The following CTNNA3 variants were observed in gnomAD, a reference collection of about 807,000 sequenced individuals.
The protein encoded by CTNNA3 is catenin alpha-3.
CTNNA3 carries 76 observed loss-of-function variants against 95.7 expected under a neutral mutation model. The ratio of observed to expected loss-of-function variants is 0.79; its 90% CI spans 0.66 to 0.96. CTNNA3 has a LOEUF of 0.96. Ranked by LOEUF, CTNNA3 falls within the 40% of genes least tolerant of loss-of-function variation. CTNNA3 has a pLI of 0.00. For synonymous variants in CTNNA3, 431 were observed against 374.4 expected, an observed-to-expected ratio of 1.15 and a Z score of -1.74; for missense variants, 1,191 against 1,089.8, an observed-to-expected ratio of 1.09 and a Z score of -1.31.
At chr10:67,140,081 T>C (rs984970976) in intron 7 of CTNNA3, among the ~76,000 whole-genome samples, 2 of 152,164 alleles carry the variant, frequency 1.3e-5, no homozygotes, top group African/African-American at 2.4e-5. Context: ...TGCAGTAGGA[T>C]TGATGGGATG....
At chr10:66,217,447 G>T (rs1254390383) in intron 13 of CTNNA3, among the ~76,000 whole-genome samples, 3 of 150,586 alleles carry the variant, frequency 2.0e-5, no homozygotes, top group Non-Finnish European at 4.4e-5. Context: ...CATCCAAATT[G>T]TTGCATGTAT....
intron 7 of CTNNA3, among the ~76,000 whole-genome samples, chr10:67,116,286 T>C (rs2131982208): frequency 1.3e-5 from 2 of 152,210 alleles, no homozygotes; most frequent in Middle Eastern, 6.8e-3. Context: ...CTTATTCAGA[T>C]GATAGAATGT....
At chr10:66,355,350 A>G (rs2092600764) in intron 12 of CTNNA3, among the ~76,000 whole-genome samples, 1 of 152,068 alleles carries the variant, frequency 6.6e-6, no homozygotes, top group African/African-American at 2.4e-5. Context: ...TTTAAAATGA[A>G]AATAATATTA....
chr10:66,648,692 G>T (rs111862781), intron 9 of CTNNA3, among the ~76,000 whole-genome samples: 34 of 19,482 alleles, frequency 1.7e-3, no homozygotes, highest in Non-Finnish European at 2.5e-3. Context: ...CCAGACTTTT[G>T]TTTGGGAAAC....
chr10:66,076,514 T>C (rs149289095), intron 14 of CTNNA3, among the ~76,000 whole-genome samples: 7 of 151,670 alleles, frequency 4.6e-5, no homozygotes, highest in Non-Finnish European at 7.4e-5. Flanking sequence ...TTTTTATGTA[T>C]AGACCTCTAA....
intron 7 of CTNNA3, among the ~76,000 whole-genome samples, chr10:66,829,854 T>TTTGTTGTTGTTGTTG (rs59424993): frequency 0.19 from 27,947 of 148,178 alleles, 2,777 homozygotes; most frequent in Non-Finnish European, 0.23. Context: ...CCCCAGGGGA[T>TTTGTTGTTGTTGTTG]TTGTTGTTGT....
intron 6 of CTNNA3, among the ~76,000 whole-genome samples, chr10:67,202,917 A>G (rs1227542763): frequency 6.6e-6 from 1 of 152,160 alleles, no homozygotes; most frequent in Non-Finnish European, 1.5e-5. Context: ...GAATAATTTT[A>G]ACCAACATTC....
At chr10:66,102,568 C>A (rs541240872) in intron 14 of CTNNA3, among the ~76,000 whole-genome samples, 29 of 152,174 alleles carry the variant, frequency 1.9e-4, no homozygotes, top group Non-Finnish European at 3.8e-4. Flanking sequence ...TCTGTAGTTG[C>A]AAGCGATAAG....
intron 12 of CTNNA3, among the ~76,000 whole-genome samples, chr10:66,331,823 T>C (rs2092334356): frequency 6.6e-6 from 1 of 151,984 alleles, no homozygotes; most frequent in Non-Finnish European, 1.5e-5. Context: ...AAGTAGTTTT[T>C]TCCAATTCTG....
Position 66,476,225 on chromosome 10 carries a change from T to TG in CTNNA3, c.1531+44391dup, listed in dbSNP as rs532755459. Among the ~76,000 whole-genome samples the TG allele has an allele frequency of 3.0e-3, 458 of 151,786 alleles. 3 individuals carry two copies. The highest frequency in any genetic ancestry group is 5.2e-3 in the Non-Finnish European group (351 of 67,836). On this transcript the variant is annotated intron_variant, in intron 11 of 17. Coordinates refer to ENST00000433211, the MANE Select transcript of CTNNA3 (RefSeq NM_013266.4). ...GTCTTATCAGCAGGAACGGGGGATGTGGGGAGGGAGAGCATCAGAAAAAAT... is the reference window on the plus strand; with the variant it reads ...GTCTTATCAGCAGGAACGGGGGATGTGGGGGAGGGAGAGCATCAGAAAAAAT...
intron 9 of CTNNA3, among the ~76,000 whole-genome samples, chr10:66,639,927 C>A (rs1237147209): frequency 1.3e-5 from 2 of 152,048 alleles, no homozygotes; most frequent in African/African-American, 2.4e-5. Context: ...AGACTTGTTT[C>A]TCTTCTACAA....
At chr10:67,016,278 G>A (rs969071415) in intron 7 of CTNNA3, among the ~76,000 whole-genome samples, 2 of 152,186 alleles carry the variant, frequency 1.3e-5, no homozygotes, top group Non-Finnish European at 2.9e-5. Flanking sequence ...ATGTACTGAG[G>A]AAGTTGGCAG....
At chr10:67,431,119 G>A (rs921667067) in intron 5 of CTNNA3, among the ~76,000 whole-genome samples, 4 of 151,750 alleles carry the variant, frequency 2.6e-5, no homozygotes, top group Non-Finnish European at 5.9e-5. Context: ...AACTGTCATA[G>A]GTATTTTCAC....
At chr10:66,545,362 T>C (rs1564524432) in intron 10 of CTNNA3, among the ~76,000 whole-genome samples, 1 of 152,112 alleles carries the variant, frequency 6.6e-6, no homozygotes, top group Admixed American at 6.5e-5. Flanking sequence ...ACTACACTTG[T>C]GAGATTCATC....
intron 1 of CTNNA3, among the ~76,000 whole-genome samples, chr10:67,726,676 T>C (rs1376455002): frequency 9.9e-3 from 2 of 202 alleles, no homozygotes; most frequent in African/African-American, 0.056. Flanking sequence ...ATATTAATTA[T>C]ATAATATATG....
intron 5 of CTNNA3, among the ~76,000 whole-genome samples, chr10:67,374,893 T>G (rs1843632055): frequency 6.6e-6 from 1 of 152,188 alleles, no homozygotes; most frequent in Non-Finnish European, 1.5e-5. Flanking sequence ...ACAACTTATT[T>G]AGTTTAATAT....
intron 3 of CTNNA3, among the ~76,000 whole-genome samples, chr10:67,568,196 T>C (rs1841871170): frequency 6.6e-6 from 1 of 151,568 alleles, no homozygotes; most frequent in African/African-American, 2.4e-5. Context: ...TCATAGTTCT[T>C]CATCTCAATG....
intron 7 of CTNNA3, among the ~76,000 whole-genome samples, chr10:67,052,979 A>G (rs1855205057): frequency 1.3e-5 from 2 of 152,224 alleles, no homozygotes; most frequent in Non-Finnish European, 2.9e-5. Context: ...TTGTACTTAC[A>G]CTGACTATGT....
chr10:66,566,900 AAGAG>A (rs1842722928), intron 10 of CTNNA3, among the ~76,000 whole-genome samples: 1 of 150,992 alleles, frequency 6.6e-6, no homozygotes, highest in Admixed American at 6.6e-5. Flanking sequence ...GTAAAACACA[AAGAG>A]AGGGAGAGAA....
Sources: gnomAD v4.1 joint callset for allele counts (sites outside exome capture counted in the v4.1 genomes callset) on GRCh38, gnomAD v4.1.1 for gene constraint, MANE v1.5 for transcripts, NCBI Gene and HGNC (gene_info 2026-07-23, HGNC 2026-07-21) for gene names.